Variants in EGFR observed in about 807,000 individuals in gnomAD.
EGFR encodes the protein avian erythroblastic leukemia viral (v-erb-b) oncogene homolog.
EGFR carries 58 observed loss-of-function variants against 143.0 expected under a neutral mutation model. The ratio of observed to expected loss-of-function variants is 0.41; its 90% CI spans 0.33 to 0.50. EGFR has a LOEUF of 0.50. EGFR is among the 20% of genes least tolerant of loss of function. The pLI is 0.39. For synonymous variants in EGFR, 613 were observed against 594.4 expected (o/e 1.03, Z -0.45); for missense variants, 1,307 against 1,579.0 (o/e 0.83, Z 2.92).
At chr7:55,134,166 C>T (rs1794006135) in intron 1 of EGFR, among the ~76,000 whole-genome samples, 2 of 152,176 alleles carry the variant, frequency 1.3e-5, no homozygotes, top group African/African-American at 4.8e-5. Context: ...CACACAGATA[C>T]AGTTCCAGGA....
chr7:55,160,800 T>C (rs764444097), intron 12 of EGFR, among the ~76,000 whole-genome samples: 1 of 152,252 alleles, frequency 6.6e-6, no homozygotes, highest in Non-Finnish European at 1.5e-5. Context: ...GCGTCAGCTT[T>C]GAGTCAAGTG....
intron 18 of EGFR, among the ~76,000 whole-genome samples, chr7:55,174,305 G>A (rs1202965500): frequency 1.3e-5 from 2 of 152,228 alleles, no homozygotes; most frequent in Admixed American, 6.5e-5. Context: ...ATGGGGTGCA[G>A]CACAGGGCGG....
At chr7:55,169,272 T>C (rs1786228540) in intron 15 of EGFR, among the ~76,000 whole-genome samples, 1 of 152,088 alleles carries the variant, frequency 6.6e-6, no homozygotes, top group East Asian at 1.9e-4. Flanking sequence ...GGCTAATTTT[T>C]GTATTTTTAG....
At chr7:55,089,478 CA>C (rs1205754407) in intron 1 of EGFR, among the ~76,000 whole-genome samples, 4 of 152,234 alleles carry the variant, frequency 2.6e-5, no homozygotes, top group African/African-American at 9.6e-5. Flanking sequence ...TTTTCTTCCA[CA>C]TCTGTCCTTC....
intron 13 of EGFR, among the ~76,000 whole-genome samples, 169 bp from the exon 14 acceptor site, chr7:55,163,564 A>G (rs1785811177): frequency 6.6e-6 from 1 of 152,242 alleles, no homozygotes; most frequent in African/African-American, 2.4e-5. Flanking sequence ...CAGAGAGAAG[A>G]TGACCCAGGA....
intron 1 of EGFR, among the ~76,000 whole-genome samples, chr7:55,058,804 A>G (rs1788990546): frequency 6.6e-6 from 1 of 152,194 alleles, no homozygotes; most frequent in Admixed American, 6.5e-5. Context: ...TTACCTGTTT[A>G]ACATACCTGC....
At chr7:55,102,773 A>T (rs1791903706) in intron 1 of EGFR, among the ~76,000 whole-genome samples, 2 of 152,338 alleles carry the variant, frequency 1.3e-5, no homozygotes, top group East Asian at 1.9e-4. Flanking sequence ...TAGAAATTTT[A>T]AAAATTTTTT....
chr7:55,161,697 C>A (rs761952037), intron 13 of EGFR, 66 bp downstream of exon 13: 65 of 1,611,012 alleles, frequency 4.0e-5, no homozygotes, highest in Non-Finnish European at 5.2e-5. Flanking sequence ...GTTGTTATAG[C>A]TTTACAGGCA....
chr7:55,027,251 G>A (rs1038248596), intron 1 of EGFR, among the ~76,000 whole-genome samples: 3 of 152,134 alleles, frequency 2.0e-5, no homozygotes, highest in Non-Finnish European at 2.9e-5. Context: ...ATTTCAGTGG[G>A]AGCCCAAAAG....
intron 1 of EGFR, among the ~76,000 whole-genome samples, chr7:55,019,695 G>C (rs1369650875): frequency 1.3e-5 from 2 of 152,136 alleles, no homozygotes; most frequent in African/African-American, 2.4e-5. Flanking sequence ...GCGCAGGATC[G>C]GCGTCAGTGG....
At chr7:55,181,980 A>G (rs1341485467) in intron 20 of EGFR, 2 of 221,858 alleles carry the variant, frequency 9.0e-6, no homozygotes, top group East Asian at 2.3e-4. Flanking sequence ...GGCCTTGGCT[A>G]AGTGTCCCCC....
At chr7:55,020,475 C>T (rs769158169) in intron 1 of EGFR, among the ~76,000 whole-genome samples, 1 of 152,146 alleles carries the variant, frequency 6.6e-6, no homozygotes, top group African/African-American at 2.4e-5. Context: ...GCAAACTTCT[C>T]CTCAAAACCC....
At chr7:55,021,990 G>T (rs1160978164) in intron 1 of EGFR, among the ~76,000 whole-genome samples, 2 of 152,166 alleles carry the variant, frequency 1.3e-5, no homozygotes, top group African/African-American at 4.8e-5. Context: ...CAAATCAGGT[G>T]TGTGCAAATG....
intron 15 of EGFR, chr7:55,168,516 T>C: frequency 6.6e-7 from 1 of 1,511,332 alleles, no homozygotes; most frequent in South Asian, 1.1e-5. Flanking sequence ...TTTCTATTTT[T>C]TCCCAGGTCC....
chr7:55,119,797 G>T (rs117900682), intron 1 of EGFR, among the ~76,000 whole-genome samples: 1 of 152,142 alleles, frequency 6.6e-6, no homozygotes, highest in African/African-American at 2.4e-5. Context: ...CCTTCTATTG[G>T]AGGACACATT....
rs2128971636 is a variant in EGFR at position 55,201,271 on chromosome 7, G to A, written c.3030G>A (p.Val1010=). Reference sequence around the variant, plus strand: ...TGGATGAAGAAGACATGGACGACGTGGTGGATGCCGACGAGTACCTCATCC... The same window carrying A: ...TGGATGAAGAAGACATGGACGACGTAGTGGATGCCGACGAGTACCTCATCC... ...ALMDEEDMDD[V]VDADEYLIPQ... The change falls in exon 25 of 28, where the codon GTG becomes GTA. Residue 1010 remains valine (V), a synonymous_variant. Coordinates refer to ENST00000275493, the MANE Select transcript of EGFR (RefSeq NM_005228.5). 1.2e-6 allele frequency: 2 copies of A among 1,614,096 alleles called. No individual in the cohort carries two copies. Among genetic ancestry groups the A allele is most frequent in the Middle Eastern group, 1.6e-4 (1 of 6,062 alleles).
intron 1 of EGFR, among the ~76,000 whole-genome samples, chr7:55,032,178 C>T (rs1389271173): frequency 6.6e-6 from 1 of 152,126 alleles, no homozygotes; most frequent in African/African-American, 2.4e-5. Context: ...CATAAAAGGC[C>T]CAGTTAAGTT....
chr7:55,102,068 G>A (rs1167204939), intron 1 of EGFR, among the ~76,000 whole-genome samples: 2 of 152,058 alleles, frequency 1.3e-5, no homozygotes, highest in African/African-American at 4.8e-5. Context: ...CTGTCACTGT[G>A]TGGCTCTGAA....
rs61598881 is a variant in EGFR at position 55,049,813 on chromosome 7, G to A, written c.88+30448G>A. On this transcript the variant is annotated intron_variant, in intron 1 of 27. Transcript: ENST00000275493. ...TCCCTTGCTTACAGATTGCATGGGG[G>A]GCACATTCTTTAAAATTGGTCCCTG... Among the ~76,000 whole-genome samples the A allele has an allele frequency of 5.1e-3, 771 of 152,270 alleles. 9 individuals are homozygous for A. Among genetic ancestry groups the A allele is most frequent in the African/African-American group, 0.018 (744 of 41,542 alleles).
Sources: allele counts gnomAD v4.1 joint callset (sites outside exome capture counted in the v4.1 genomes callset), GRCh38; gene constraint gnomAD v4.1.1; transcripts MANE v1.5; gene names NCBI Gene and HGNC (gene_info 2026-07-23, HGNC 2026-07-21).